Variants in ERGIC1 observed in about 807,000 individuals in gnomAD.
ERGIC1 encodes the protein endoplasmic reticulum-golgi intermediate compartment 1, also known as endoplasmic reticulum-Golgi intermediate compartment protein 1.
In ERGIC1, 19 loss-of-function variants were observed where a neutral mutation model predicts 38.3. The ratio of observed to expected loss-of-function variants is 0.50; its 90% CI spans 0.35 to 0.73. The LOEUF (loss-of-function observed/expected upper bound fraction) is 0.73. ERGIC1 is among the 30% of genes least tolerant of loss of function. The pLI, the probability that ERGIC1 is intolerant of heterozygous loss-of-function variation, is 0.01. For missense variants in ERGIC1, 294 were observed against 389.2 expected (o/e 0.76, Z 2.06); for synonymous variants, 124 against 157.6 (o/e 0.79, Z 1.60).
intron 9 of ERGIC1, among the ~76,000 whole-genome samples, chr5:172,941,810 C>T (rs1406272048): frequency 2.0e-5 from 3 of 152,222 alleles, no homozygotes; most frequent in African/African-American, 7.2e-5. Flanking sequence ...GTTTTCCTGC[C>T]CATATCTAAC....
At chr5:172,836,941 A>G (rs925451550) in intron 1 of ERGIC1, among the ~76,000 whole-genome samples, 9 of 152,220 alleles carry the variant, frequency 5.9e-5, no homozygotes, top group African/African-American at 1.4e-4. Context: ...CATGCAGTGC[A>G]TGAGCTGGTG....
At position 172,907,276 on chromosome 5, in the gene ERGIC1, G is replaced by A. The variant is rs1419392786; in HGVS notation, c.156-2391G>A. On this transcript the variant is annotated intron_variant, in intron 3 of 9. Coordinates refer to ENST00000393784, the MANE Select transcript of ERGIC1 (RefSeq NM_001031711.3). The stretch of plus-strand genomic sequence containing the variant: ...TGCTCATATCAAGCCTAAAGGCCTC[G>A]GCCAGGCACGGTGGCTCATGCCTGT... Among the ~76,000 whole-genome samples the A allele has an allele frequency of 4.6e-5, 7 of 152,204 alleles. No homozygotes were observed. The South Asian group carries it at 1.0e-3, about 23-fold the overall frequency.
At chr5:172,927,755 A>G (rs1488993313) in intron 7 of ERGIC1, among the ~76,000 whole-genome samples, 1 of 151,854 alleles carries the variant, frequency 6.6e-6, no homozygotes, top group East Asian at 1.9e-4. Context: ...AATTTTCTGT[A>G]TTTTTAGTTG....
At position 172,834,563 on chromosome 5, in the gene ERGIC1, C is replaced by T; in HGVS notation, c.20+130C>T. ...GCCCTGTGCATGCCTCCGCAGGCCC[C>T]TAGGGACCCCAGGCGAGCCCCCCCC... On this transcript the variant is annotated intron_variant, in intron 1 of 9. Transcript: ENST00000393784. The surrounding 1 kb of genome is among the most constrained non-coding windows in gnomAD (Gnocchi z 4.1). The T allele has an allele frequency of 1.1e-6, 1 of 917,942 alleles. No individual in the cohort carries two copies. Among genetic ancestry groups the T allele is most frequent in the African/African-American group, 1.9e-5 (1 of 53,118 alleles). 56.9% of individuals were successfully genotyped at this position (917,942 alleles called of 1,614,324 possible). A position where few individuals can be genotyped will look rare whatever the true frequency, so the allele number is the denominator to read the frequency against.
intron 7 of ERGIC1, among the ~76,000 whole-genome samples, chr5:172,929,222 T>C (rs2113462534): frequency 6.6e-6 from 1 of 152,208 alleles, no homozygotes; most frequent in South Asian, 2.1e-4. Flanking sequence ...GTTTTAAGAA[T>C]GCAGATTCTG....
At position 172,834,601 on chromosome 5, in the gene ERGIC1, A is replaced by C. The variant is rs1760988387; in HGVS notation, c.20+168A>C. ...GCGAGCCCCCCCCCTGCCGCACACG[A>C]AGCCAGCCAGAGCCGCGGAGGCCCC... On this transcript the variant is annotated intron_variant, in intron 1 of 9. Coordinates refer to ENST00000393784, the MANE Select transcript of ERGIC1 (RefSeq NM_001031711.3). This position sits in a 1 kb window ranked among gnomAD's most constrained non-coding sequence, Gnocchi z 4.1. Among the ~76,000 whole-genome samples, 1 of 108,582 alleles carries C rather than the reference A, an allele frequency of 9.2e-6. No individual in the cohort carries two copies. The highest frequency in any genetic ancestry group is 2.0e-5 in the Non-Finnish European group (1 of 50,066). The allele number at this position is 108,582 out of a possible 152,430, so 71.2% of individuals were successfully genotyped here.
chr5:172,865,271 G>T (rs1371255848), intron 1 of ERGIC1, among the ~76,000 whole-genome samples: 2 of 152,064 alleles, frequency 1.3e-5, no homozygotes, highest in Non-Finnish European at 2.9e-5. Context: ...GGCCAGGCTG[G>T]TCTCGAACTC....
At chr5:172,913,981 T>C (rs1763275129) in intron 4 of ERGIC1, among the ~76,000 whole-genome samples, 1 of 152,102 alleles carries the variant, frequency 6.6e-6, no homozygotes, top group Non-Finnish European at 1.5e-5. Context: ...ACACTTGTAA[T>C]CCCAGCACTT....
At position 172,951,177 on chromosome 5, in the gene ERGIC1, C is replaced by T. The variant is rs187520866; in HGVS notation, c.*361C>T. On this transcript the variant is annotated 3_prime_UTR_variant, in exon 10 of 10. Transcript: ENST00000393784. ...TATCGATCAGCTCTCAGCCAGGCTT[C>T]GACAATCTCGCAGCCCCCACTAGGT... 8 of 171,118 alleles carry T rather than the reference C, an allele frequency of 4.7e-5. No homozygotes were observed. Among genetic ancestry groups the T allele is most frequent in the Non-Finnish European group, 6.2e-5 (5 of 80,502 alleles). 10.6% of individuals were successfully genotyped at this position (171,118 alleles called of 1,614,324 possible).
intron 5 of ERGIC1, among the ~76,000 whole-genome samples, chr5:172,921,184 G>A (rs1374556594): frequency 6.6e-6 from 1 of 152,232 alleles, no homozygotes; most frequent in East Asian, 1.9e-4. Flanking sequence ...ACTGAGGCAT[G>A]GAGTGGTTAC....
At chr5:172,849,897 C>T (rs1437989755) in intron 1 of ERGIC1, among the ~76,000 whole-genome samples, 3 of 152,196 alleles carry the variant, frequency 2.0e-5, no homozygotes, top group South Asian at 2.1e-4. Context: ...ATTCACTCAG[C>T]ATCTCTGGGG....
intron 1 of ERGIC1, among the ~76,000 whole-genome samples, chr5:172,838,654 A>C (rs917875904): frequency 1.3e-5 from 2 of 151,232 alleles, no homozygotes; most frequent in African/African-American, 4.9e-5. Context: ...TTGTTCTTGA[A>C]CTCCTGGCCT....
At chr5:172,939,795 C>T (rs1052481230) in intron 9 of ERGIC1, among the ~76,000 whole-genome samples, 3 of 152,182 alleles carry the variant, frequency 2.0e-5, no homozygotes, top group Non-Finnish European at 2.9e-5. Context: ...TGGCAGATGG[C>T]GTCATTGTGG....
intron 2 of ERGIC1, among the ~76,000 whole-genome samples, chr5:172,896,410 G>A (rs558919171): frequency 6.6e-6 from 1 of 152,318 alleles, no homozygotes; most frequent in Admixed American, 6.5e-5. Flanking sequence ...AAGCACCGCT[G>A]TCTATAGCCC....
chr5:172,893,935 G>GTGTGTGTGTATATATATA (rs1429850022), intron 2 of ERGIC1, among the ~76,000 whole-genome samples: 4 of 42,818 alleles, frequency 9.3e-5, no homozygotes, highest in Non-Finnish European at 1.8e-4. Context: ...GTGTGTGTGT[G>GTGTGTGTGTATATATATA]TATATATATA....
intron 6 of ERGIC1, among the ~76,000 whole-genome samples, chr5:172,925,102 G>T (rs1004484875): frequency 1.3e-5 from 2 of 152,128 alleles, no homozygotes; most frequent in Non-Finnish European, 2.9e-5. Context: ...GCCGGGCGTG[G>T]TGGCAGGCAC....
At chr5:172,899,313 T>C (rs1224309506) in intron 3 of ERGIC1, among the ~76,000 whole-genome samples, 1 of 44,566 alleles carries the variant, frequency 2.2e-5, no homozygotes, top group South Asian at 8.1e-4. Context: ...AGTTACTTCT[T>C]TTTTTTTTTT....
chr5:172,848,469 G>A (rs1311673712), intron 1 of ERGIC1, among the ~76,000 whole-genome samples: 1 of 152,106 alleles, frequency 6.6e-6, no homozygotes, highest in Non-Finnish European at 1.5e-5. Flanking sequence ...ACCTAACTTG[G>A]GTCATCTGCC....
intron 1 of ERGIC1, among the ~76,000 whole-genome samples, chr5:172,868,052 A>G (rs1186163035): frequency 6.6e-6 from 1 of 152,242 alleles, no homozygotes; most frequent in East Asian, 1.9e-4. Context: ...GAGAGAAGCC[A>G]TAGAAAGCTC....
Sources: allele counts gnomAD v4.1 joint callset (sites outside exome capture counted in the v4.1 genomes callset), GRCh38; gene constraint gnomAD v4.1.1; non-coding constraint Gnocchi (gnomAD v3.1); transcripts MANE v1.5; gene names NCBI Gene and HGNC (gene_info 2026-07-23, HGNC 2026-07-21).